The following ICA1 variants were observed in gnomAD, a reference collection of about 807,000 sequenced individuals.
The protein encoded by ICA1 is 69 kDa islet cell autoantigen.
Under a neutral mutation model 71.0 loss-of-function variants are expected in ICA1, and 40 were observed. The observed-to-expected ratio is 0.56, with a 90% confidence interval of 0.44 to 0.73. ICA1 has a LOEUF of 0.73. Among genes scored for constraint, ICA1 ranks in the 30% least tolerant of loss-of-function variants. ICA1 has a pLI of 0.00. For synonymous variants in ICA1, 207 were observed against 209.5 expected (o/e 0.99, Z 0.10); for missense variants, 578 against 576.5 (o/e 1.00, Z -0.03).
chr7:8,212,600 T>A (rs909125264), intron 6 of ICA1, among the ~76,000 whole-genome samples: 2 of 152,060 alleles, frequency 1.3e-5, no homozygotes, highest in African/African-American at 4.8e-5. Flanking sequence ...CTAAAAATGT[T>A]GCAGCTGGAA....
chr7:8,156,890 G>C (rs1269578491), intron 8 of ICA1: 3 of 1,521,078 alleles, frequency 2.0e-6, no homozygotes, highest in East Asian at 4.9e-5. Context: ...CGCGCTTTTG[G>C]ATTGCAGTAG....
At chr7:8,194,991 C>T (rs1322256203) in intron 6 of ICA1, among the ~76,000 whole-genome samples, 4 of 152,034 alleles carry the variant, frequency 2.6e-5, no homozygotes, top group African/African-American at 7.3e-5. Context: ...AAAGGACATG[C>T]TATTCAAAAT....
intron 6 of ICA1, among the ~76,000 whole-genome samples, chr7:8,200,365 A>T (rs1490015877): frequency 6.7e-6 from 1 of 149,900 alleles, no homozygotes; most frequent in Non-Finnish European, 1.5e-5. Flanking sequence ...AAAAAAGAAC[A>T]ATTACAAAAC....
At chr7:8,179,782 A>T (rs1358778884) in intron 6 of ICA1, among the ~76,000 whole-genome samples, 1 of 152,254 alleles carries the variant, frequency 6.6e-6, no homozygotes, top group East Asian at 1.9e-4. Context: ...TTTTACAGAA[A>T]GAGTTCTCCG....
At chr7:8,161,179 A>G (rs1803639656) in intron 6 of ICA1, among the ~76,000 whole-genome samples, 1 of 152,234 alleles carries the variant, frequency 6.6e-6, no homozygotes, top group Non-Finnish European at 1.5e-5. Flanking sequence ...ATAAAGCTGT[A>G]AAGGAATGAG....
chr7:8,250,846 G>A (rs1031064992), intron 1 of ICA1, among the ~76,000 whole-genome samples: 4 of 152,148 alleles, frequency 2.6e-5, no homozygotes, highest in Non-Finnish European at 4.4e-5. Flanking sequence ...GCAAGCCACT[G>A]TTAAAATCTG....
intron 6 of ICA1, among the ~76,000 whole-genome samples, chr7:8,165,796 T>C (rs1260452838): frequency 6.6e-6 from 1 of 152,086 alleles, no homozygotes; most frequent in African/African-American, 2.4e-5. Flanking sequence ...AATAAAACAC[T>C]TAGGAATACA....
chr7:8,236,232 A>C (rs1801803379), intron 1 of ICA1, among the ~76,000 whole-genome samples: 1 of 152,252 alleles, frequency 6.6e-6, no homozygotes, highest in South Asian at 2.1e-4. Context: ...TGAATGAAAA[A>C]GCAGGTTGCA....
At chr7:8,164,450 G>T (rs1047057024) in intron 6 of ICA1, among the ~76,000 whole-genome samples, 2 of 152,088 alleles carry the variant, frequency 1.3e-5, no homozygotes, top group African/African-American at 4.8e-5. Context: ...CCCTGGTGAG[G>T]GGTTGAGTGC....
rs373724365 is a variant in ICA1 at position 8,154,067 on chromosome 7, A to T, written c.804+3049T>A. 2.0e-4 allele frequency among the ~76,000 whole-genome samples: 30 copies of T among 151,986 alleles called. 1 individual carries two copies. Among genetic ancestry groups the T allele is most frequent in the African/African-American group, 6.5e-4 (27 of 41,352 alleles). ...TACAAAAATCTATTTATTATAAAAA[A>T]ATTAAAATGATGAAGGAATGTGTCA... On this transcript the variant is annotated intron_variant, in intron 8 of 13. Transcript: ENST00000402384.
intron 9 of ICA1, among the ~76,000 whole-genome samples, chr7:8,143,225 G>C (rs1332930915): frequency 2.6e-5 from 4 of 152,268 alleles, no homozygotes; most frequent in Admixed American, 2.6e-4. Flanking sequence ...ATGAGAAAGG[G>C]AACCATGCAC....
intron 3 of ICA1, among the ~76,000 whole-genome samples, chr7:8,231,889 T>C (rs1800388009): frequency 6.6e-6 from 1 of 152,218 alleles, no homozygotes; most frequent in Admixed American, 6.5e-5. Flanking sequence ...TTAGTCCCAT[T>C]AAATGTTCAG....
intron 12 of ICA1, among the ~76,000 whole-genome samples, chr7:8,134,710 T>A (rs549875583): frequency 4.1e-4 from 63 of 152,284 alleles, no homozygotes; most frequent in African/African-American, 1.5e-3. Context: ...ACATATTCTA[T>A]ATTATAACAA....
At chr7:8,240,779 C>A (rs1012548889) in intron 1 of ICA1, among the ~76,000 whole-genome samples, 1 of 152,068 alleles carries the variant, frequency 6.6e-6, no homozygotes, top group African/African-American at 2.4e-5. Flanking sequence ...CAAGCTTCAA[C>A]AGCTGATTCA....
chr7:8,222,319 CCA>C lies in ICA1; in HGVS notation c.257-923_257-922del, dbSNP rs531113624. ...CACACCAGCAGCCAAGCCACAGGCA[CCA>C]GAGTGACACTTAGCTTCCTCGGATG... is the stretch of plus-strand genomic sequence containing the variant. On this transcript the variant is annotated intron_variant, in intron 4 of 13. Coordinates refer to ENST00000402384, the MANE Select transcript of ICA1 (RefSeq NM_001136020.3). This position sits in a 1 kb window ranked among gnomAD's most constrained non-coding sequence, Gnocchi z 4.8. 2.9e-4 allele frequency among the ~76,000 whole-genome samples: 44 copies of C among 152,238 alleles called. No homozygotes were observed. The highest frequency in any genetic ancestry group is 9.9e-4 in the African/African-American group (41 of 41,546).
intron 6 of ICA1, among the ~76,000 whole-genome samples, chr7:8,166,459 G>T (rs1379232592): frequency 6.6e-6 from 1 of 152,016 alleles, no homozygotes; most frequent in Non-Finnish European, 1.5e-5. Flanking sequence ...ACTGAAACTG[G>T]ACTCTTTCCT....
chr7:8,240,828 A>G (rs1455251037), intron 1 of ICA1, among the ~76,000 whole-genome samples: 1 of 152,256 alleles, frequency 6.6e-6, no homozygotes, highest in African/African-American at 2.4e-5. Flanking sequence ...TGATTGAATC[A>G]AATTAACGAA....
At chr7:8,238,758 T>C (rs1467318734) in intron 1 of ICA1, among the ~76,000 whole-genome samples, 1 of 152,216 alleles carries the variant, frequency 6.6e-6, no homozygotes, top group African/African-American at 2.4e-5. Flanking sequence ...TTGCCCCTTC[T>C]ACCTAGATTT....
At chr7:8,208,317 G>A (rs114817584) in intron 6 of ICA1, among the ~76,000 whole-genome samples, 2,247 of 152,150 alleles carry the variant, frequency 0.015, 54 homozygotes, top group African/African-American at 0.049. Context: ...TAACGCTATT[G>A]GCATTCGGGA....
Sources: allele counts gnomAD v4.1 joint callset (sites outside exome capture counted in the v4.1 genomes callset), GRCh38; gene constraint gnomAD v4.1.1; non-coding constraint Gnocchi (gnomAD v3.1); transcripts MANE v1.5; gene names NCBI Gene and HGNC (gene_info 2026-07-23, HGNC 2026-07-21).